Variants in PLXNA3 observed in about 807,000 individuals in gnomAD.
The protein encoded by PLXNA3 is plexin A3.
A neutral mutation model predicts 118.8 loss-of-function variants in PLXNA3; 52 were observed. The observed-to-expected ratio is 0.44, with a 90% confidence interval of 0.35 to 0.55. The LOEUF is 0.55. PLXNA3 is among the 20% of genes least tolerant of loss of function. PLXNA3 has a pLI of 0.01. For synonymous variants in PLXNA3, 925 were observed against 762.4 expected (o/e 1.21, Z -3.51); for missense variants, 1,660 against 1,730.8 (o/e 0.96, Z 0.73).
chrX:154,466,231 C>T lies in PLXNA3; in HGVS notation c.2760C>T (p.Ala920=), dbSNP rs782226260. Residue 920 remains alanine, a synonymous_variant, in exon 15 of 33, where the codon GCC becomes GCT. Transcript: ENST00000369682. The part of the protein sequence containing the change: ...PVELCVGDCS[A]DFRTQSEQVY... ...AGCTGTGTGTGGGTGACTGTTCAGCCGACTTCCGCACGCAGTCGGAGCAGG... is the reference window on the plus strand; with the variant it reads ...AGCTGTGTGTGGGTGACTGTTCAGCTGACTTCCGCACGCAGTCGGAGCAGG... 3.1e-5 allele frequency: 38 copies of T among 1,209,170 alleles called. No homozygotes were observed. The highest frequency in any genetic ancestry group is 5.3e-5 in the South Asian group (3 of 57,004).
rs781795304 is a variant in PLXNA3 at position 154,461,372 on chromosome X, C to T, written c.868C>T (p.Arg290Cys). The change falls in exon 3 of 33, where the codon CGC becomes TGC. Residue 290 changes from arginine to cysteine, a missense_variant. Physicochemically the swap from Arg to Cys is radical, Grantham distance 180. Around this residue, in one of 2 missense-constraint regions of PLXNA3, gnomAD observed 791 missense variants for 652.1 expected, o/e 1.21. Coordinates refer to ENST00000369682, the MANE Select transcript of PLXNA3 (RefSeq NM_017514.5). ...CTGCTCCTGGCGCGGCGTGGAGTACCGCTTGGTGCAGAGCGCCCACCTGGC... is the reference window on the plus strand; with the variant it reads ...CTGCTCCTGGCGCGGCGTGGAGTACTGCTTGGTGCAGAGCGCCCACCTGGC... ...IGCSWRGVEY[R>C]LVQSAHLAKP... 24 of 1,211,090 alleles carry T rather than the reference C, an allele frequency of 2.0e-5. No individual in the cohort carries two copies. The highest frequency in any genetic ancestry group is 7.0e-5 in the South Asian group (4 of 56,991).
At position 154,468,159 on chromosome X, in the gene PLXNA3, C is replaced by A; in HGVS notation, c.3898C>A (p.Arg1300=). 1 of 1,189,565 alleles carries A rather than the reference C, an allele frequency of 8.4e-7. No individual in the cohort carries two copies. The highest frequency in any genetic ancestry group is 1.1e-6 in the Non-Finnish European group (1 of 883,160). ...GGTGCAGATCCCCTTCCTGGACTAC[C>A]GGACTTACGCCGTGCGCGTGCTCTT... ...DEVQIPFLDY[R]TYAVRVLFPG... The change falls in exon 22 of 33, where the codon CGG becomes AGG. Residue 1300 remains arginine (R), a synonymous_variant. Coordinates refer to ENST00000369682, the MANE Select transcript of PLXNA3 (RefSeq NM_017514.5).
rs1365430907 is a variant in PLXNA3, at chrX:154,473,722, G to A, written c.*1037G>A. ...AGCTGGAGCCCCATTGTGGGAGAAAGGACCACTCCTTGCAGGGTCCCAGAG... is the reference window on the plus strand; with the variant it reads ...AGCTGGAGCCCCATTGTGGGAGAAAAGACCACTCCTTGCAGGGTCCCAGAG... On this transcript the variant is annotated 3_prime_UTR_variant, in exon 33 of 33. Transcript: ENST00000369682. The A allele has an allele frequency of 1.8e-5, 2 of 112,384 alleles. No homozygotes were observed. Among genetic ancestry groups the A allele is most frequent in the African/African-American group, 6.5e-5 (2 of 30,894 alleles). The allele number at this position is 112,384 out of a possible 1,213,427, so 9.3% of individuals were successfully genotyped here.
In PLXNA3 at chrX:154,469,063, A is replaced by G; in HGVS notation, c.4442A>G (p.His1481Arg). The G allele has an allele frequency of 8.3e-7, 1 of 1,211,359 alleles. No individual in the cohort carries two copies. The highest frequency in any genetic ancestry group is 1.1e-6 in the Non-Finnish European group (1 of 895,469). The change falls in exon 26 of 33, where the codon CAC becomes CGC. Residue 1481 changes from histidine to arginine, a missense_variant. Physicochemically the swap from His to Arg is conservative, Grantham distance 29 (BLOSUM62 0). Around this residue, in one of 2 missense-constraint regions of PLXNA3, gnomAD observed 869 missense variants for 1,078.7 expected, o/e 0.81. Coordinates refer to ENST00000369682, the MANE Select transcript of PLXNA3 (RefSeq NM_017514.5). ...AGTCCGCTTTCCCCTCAGACCCTTCACTGCGTGTGTCCGGAGAACGAGGGC... is the reference window on the plus strand; with the variant it reads ...AGTCCGCTTTCCCCTCAGACCCTTCGCTGCGTGTGTCCGGAGAACGAGGGC... ...QQIDYKTLTL[H>R]CVCPENEGSA...
At chrX:154,464,656 T>C (rs1344968399) in intron 9 of PLXNA3, 98 bp from the exon 10 acceptor site, 7 of 709,434 alleles carry the variant, frequency 9.9e-6, no homozygotes, top group South Asian at 2.7e-5. Flanking sequence ...TCCCCTGATA[T>C]GGCTGCCTTC....
rs963765415 is a variant in PLXNA3, at chrX:154,460,988, T to C, written c.595-111T>C. The C allele has an allele frequency of 1.4e-5, 11 of 772,906 alleles. No individual in the cohort carries two copies. The African/African-American group carries it at 2.1e-4, about 15-fold the overall frequency. 63.7% of individuals were successfully genotyped at this position (772,906 alleles called of 1,213,427 possible). A position where few individuals can be genotyped will look rare whatever the true frequency, so the allele number is the denominator to read the frequency against. On this transcript the variant is annotated intron_variant, in intron 2 of 32. Transcript: ENST00000369682. ...CCTGCCCTCTGCAGCCTTTCTGGCC[T>C]GGGCCTCTGTGATCATCCAGGCGGG...
In PLXNA3 at chrX:154,470,180, CT is replaced by C; in HGVS notation, c.4986+14del. 1 of 1,200,473 alleles carries C rather than the reference CT, an allele frequency of 8.3e-7. No individual in the cohort carries two copies. The highest frequency in any genetic ancestry group is 1.1e-6 in the Non-Finnish European group (1 of 887,750). On this transcript the variant is annotated intron_variant, in intron 29 of 32. Transcript: ENST00000369682. ...GCTGGCCACCAAGGTATGGGCCTGC[CT>C]CTCGCCACCTTGGCCTCCGCCCAGA...
At chrX:154,468,622 C>T in intron 23 of PLXNA3, 41 bp from the exon 24 acceptor site, 1 of 1,208,746 alleles carries the variant, frequency 8.3e-7, no homozygotes, top group Non-Finnish European at 1.1e-6. Context: ...CCTGTCCAAG[C>T]CCCACCCCTG....
intron 2 of PLXNA3, 62 bp from the exon 3 acceptor site, chrX:154,461,037 C>T (rs782275500): frequency 8.0e-4 from 795 of 991,278 alleles, no homozygotes; most frequent in Non-Finnish European, 1.0e-3. Context: ...GGGAAGCTGG[C>T]GGTGGCCCGT....
rs782321449 is a variant in PLXNA3, at chrX:154,468,352, A to T, written c.4013A>T (p.His1338Leu). 5.8e-6 allele frequency: 7 copies of T among 1,208,080 alleles called. No homozygotes were observed. The Admixed American group carries it at 1.5e-4, about 26-fold the overall frequency. The change falls in exon 23 of 33, where the codon CAC becomes CTC. Residue 1338 changes from histidine (H) to leucine (L), a missense_variant. Physicochemically the swap from His to Leu is moderately conservative, Grantham distance 99. This residue lies in a region of PLXNA3 where 869 missense variants were observed against 1,078.7 expected (regional missense o/e 0.81). Transcript: ENST00000369682. ...CTGCGCCTCTTCGGGCAGCTGCTGC[A>T]CAGCCGCGCGTTCGTGCTTACCTTC... is the stretch of plus-strand genomic sequence containing the variant. The part of the protein sequence containing the change: ...KALRLFGQLL[H>L]SRAFVLTFIH...
intron 32 of PLXNA3, among the ~76,000 whole-genome samples, chrX:154,472,150 G>T (rs2069191531): frequency 9.0e-6 from 1 of 111,237 alleles, no homozygotes; most frequent in Non-Finnish European, 1.9e-5. Flanking sequence ...AGCGCCTGGT[G>T]GGGTCTGGCA....
At position 154,465,837 on chromosome X, in the gene PLXNA3, G is replaced by A. The variant is rs782596274; in HGVS notation, c.2522G>A (p.Arg841His). Residue 841 changes from arginine to histidine, a missense_variant, in exon 13 of 33, where the codon CGC becomes CAC. This residue lies in a region of PLXNA3 where 869 missense variants were observed against 1,078.7 expected (regional missense o/e 0.81). Transcript: ENST00000369682. ...SQKGTRCSHP[R>H]ITQIHPLVGP... ...AAGGGCACCCGGTGCAGCCACCCCC[G>A]CATCACGCAGGTCAGCCTCCCTCAC... is the stretch of plus-strand genomic sequence containing the variant. 1.7e-4 allele frequency: 202 copies of A among 1,204,626 alleles called. No homozygotes were observed. Among genetic ancestry groups the A allele is most frequent in the Middle Eastern group, 2.3e-4 (1 of 4,351 alleles).
rs782403004 is a variant in PLXNA3, at chrX:154,460,454, G to A, written c.271G>A (p.Ala91Thr). 1.9e-5 allele frequency: 23 copies of A among 1,203,998 alleles called. No individual in the cohort carries two copies. The highest frequency in any genetic ancestry group is 2.6e-5 in the Non-Finnish European group (23 of 890,657). The change falls in exon 2 of 33, where the codon GCC (alanine) becomes ACC (threonine). Residue 91 changes from alanine to threonine, a missense_variant. Ala to Thr is a moderately conservative substitution (Grantham distance 58). Around this residue, in one of 2 missense-constraint regions of PLXNA3, gnomAD observed 791 missense variants for 652.1 expected, o/e 1.21. Coordinates refer to ENST00000369682, the MANE Select transcript of PLXNA3 (RefSeq NM_017514.5). ...PSMRVCAHRL[A>T]PVDNINKLLL... ...CATGCGCGTGTGTGCCCACCGCCTG[G>A]CCCCCGTGGACAACATCAACAAGCT...
Position 154,471,622 on chromosome X carries a change from C to A in PLXNA3, c.5504C>A (p.Thr1835Asn). The A allele has an allele frequency of 8.3e-7, 1 of 1,206,770 alleles. No individual in the cohort carries two copies. Among genetic ancestry groups the A allele is most frequent in the Non-Finnish European group, 1.1e-6 (1 of 891,797 alleles). ...SALNELYFYV[T>N]KYRQEILTAL... Reference sequence around the variant, plus strand: ...CTCAACGAGCTGTATTTCTATGTCACCAAGTACCGCCAGGAGGTGTGTGTC... The same window carrying A: ...CTCAACGAGCTGTATTTCTATGTCAACAAGTACCGCCAGGAGGTGTGTGTC... The change falls in exon 32 of 33, where the codon ACC (threonine) becomes AAC (asparagine). Residue 1835 changes from threonine (T) to asparagine (N), a missense_variant. Physicochemically the swap from Thr to Asn is moderately conservative, Grantham distance 65. Transcript: ENST00000369682.
At chrX:154,465,595 C>T in intron 12 of PLXNA3, 62 bp from the exon 13 acceptor site, 13 of 1,160,019 alleles carry the variant, frequency 1.1e-5, no homozygotes, top group South Asian at 9.0e-5. Flanking sequence ...GGCCCTAGTG[C>T]TCCCCACTTT....
intron 6 of PLXNA3, 54 bp downstream of exon 6, chrX:154,463,744 A>G: frequency 9.7e-7 from 1 of 1,035,217 alleles, no homozygotes; most frequent in Non-Finnish European, 1.3e-6. Context: ...GGCCAGGGGG[A>G]GCCAGCCACA....
At chrX:154,461,034 T>A in intron 2 of PLXNA3, 65 bp from the exon 3 acceptor site, 1 of 989,634 alleles carries the variant, frequency 1.0e-6, no homozygotes, top group South Asian at 2.2e-5. Flanking sequence ...AGAGGGAAGC[T>A]GGCGGTGGCC....
intron 32 of PLXNA3, among the ~76,000 whole-genome samples, chrX:154,472,073 C>G (rs957839464): frequency 2.7e-5 from 3 of 111,296 alleles, no homozygotes; most frequent in African/African-American, 9.8e-5. Context: ...ACACTGAGCC[C>G]AGGGCCCCAG....
Position 154,468,357 on chromosome X carries a change from C to T in PLXNA3, c.4018C>T (p.Arg1340Cys), listed in dbSNP as rs782086440. ...CCTCTTCGGGCAGCTGCTGCACAGC[C>T]GCGCGTTCGTGCTTACCTTCATCCA... ...LRLFGQLLHS[R>C]AFVLTFIHTL... The change falls in exon 23 of 33, where the codon CGC (arginine) becomes TGC (cysteine). Residue 1340 changes from arginine (R) to cysteine (C), a missense_variant. Coordinates refer to ENST00000369682, the MANE Select transcript of PLXNA3 (RefSeq NM_017514.5). The T allele has an allele frequency of 5.0e-6, 6 of 1,208,562 alleles. No homozygotes were observed. Among genetic ancestry groups the T allele is most frequent in the South Asian group, 1.8e-5 (1 of 56,808 alleles).
Sources: allele counts gnomAD v4.1 joint callset (sites outside exome capture counted in the v4.1 genomes callset), GRCh38; gene constraint gnomAD v4.1.1; regional missense constraint gnomAD v4.1.1; transcripts MANE v1.5; gene names NCBI Gene and HGNC (gene_info 2026-07-23, HGNC 2026-07-21).